The following KATNBL1 variants were observed in gnomAD, a reference collection of about 807,000 sequenced individuals.
The protein encoded by KATNBL1 is katanin regulatory subunit B1 like 1, also known as KATNB1-like protein 1.
KATNBL1 carries 28 observed loss-of-function variants against 44.7 expected under a neutral mutation model. That is an observed-to-expected ratio of 0.63 (90% CI 0.46 to 0.86). KATNBL1 has a LOEUF of 0.86. KATNBL1 is among the 40% of genes least tolerant of loss of function. The pLI is 0.00. For missense variants in KATNBL1, 272 were observed against 350.7 expected (o/e 0.78, Z 1.79); for synonymous variants, 78 against 114.9 (o/e 0.68, Z 2.06).
chr15:34,159,002 T>C (rs557507422), intron 2 of KATNBL1, among the ~76,000 whole-genome samples: 3 of 152,336 alleles, frequency 2.0e-5, no homozygotes, highest in Admixed American at 1.3e-4. Flanking sequence ...GAATTATCAG[T>C]GGTTAGTGTT....
At chr15:34,171,160 G>A (rs916216052) in intron 1 of KATNBL1, among the ~76,000 whole-genome samples, 14 of 152,084 alleles carry the variant, frequency 9.2e-5, no homozygotes, top group Non-Finnish European at 1.6e-4. Flanking sequence ...CCTATAGAAC[G>A]GGAGAAAATT....
intron 1 of KATNBL1, among the ~76,000 whole-genome samples, chr15:34,190,418 C>T (rs1490711405): frequency 2.0e-5 from 3 of 152,174 alleles, no homozygotes; most frequent in Non-Finnish European, 4.4e-5. Context: ...CCAGAATACA[C>T]CTTGGGTCAC....
At chr15:34,191,881 A>C (rs999940330) in intron 1 of KATNBL1, among the ~76,000 whole-genome samples, 1 of 149,674 alleles carries the variant, frequency 6.7e-6, no homozygotes, top group African/African-American at 2.5e-5. Flanking sequence ...TGGGAGGCAG[A>C]GCTTGCAGTG....
chr15:34,193,829 G>C (rs994090733), intron 1 of KATNBL1, among the ~76,000 whole-genome samples: 1 of 111,644 alleles, frequency 9.0e-6, no homozygotes, highest in Non-Finnish European at 1.7e-5. Context: ...TCCAGCGTGG[G>C]TGACAGAGAA....
chr15:34,204,304 A>C (rs1890239766), intron 1 of KATNBL1, among the ~76,000 whole-genome samples: 1 of 152,226 alleles, frequency 6.6e-6, no homozygotes, highest in African/African-American at 2.4e-5. Context: ...CTGTGGGCAC[A>C]GAATGATTCA....
In KATNBL1 at chr15:34,154,169, A is replaced by C. The variant is rs183976707; in HGVS notation, c.158+475T>G. The stretch of plus-strand genomic sequence containing the variant: ...TCTTGAAAAATTATATTGTACCCTC[A>C]AACAAGAGAATGAAAATGAAGACAG... On this transcript the variant is annotated intron_variant, in intron 3 of 9. Transcript: ENST00000256544. Among the ~76,000 whole-genome samples, 49 of 152,314 alleles carry C rather than the reference A, an allele frequency of 3.2e-4. 1 individual carries two copies. Among genetic ancestry groups the C allele is most frequent in the Admixed American group, 2.5e-3 (38 of 15,296 alleles).
intron 1 of KATNBL1, among the ~76,000 whole-genome samples, chr15:34,199,320 C>T (rs1890107400): frequency 6.6e-6 from 1 of 152,046 alleles, no homozygotes; most frequent in Non-Finnish European, 1.5e-5. Flanking sequence ...GCCTCGAGTC[C>T]CAGCTACTCT....
At chr15:34,146,560 C>G in intron 8 of KATNBL1, 1 of 506,350 alleles carries the variant, frequency 2.0e-6, no homozygotes. Context: ...AGAAGAGATA[C>G]AGGAGGTTAG....
intron 1 of KATNBL1, among the ~76,000 whole-genome samples, chr15:34,182,752 C>T (rs554651395): frequency 1.6e-4 from 25 of 152,102 alleles, no homozygotes; most frequent in East Asian, 1.9e-4. Flanking sequence ...AAGCCAGATT[C>T]GAAAGGCTAC....
At chr15:34,166,847 G>C (rs1487331237) in intron 1 of KATNBL1, among the ~76,000 whole-genome samples, 1 of 152,202 alleles carries the variant, frequency 6.6e-6, no homozygotes, top group African/African-American at 2.4e-5. Context: ...ACCTGCAGCT[G>C]AGGGGCCTGT....
chr15:34,188,137 T>TAAAA lies in KATNBL1; in HGVS notation c.-15+21810_-15+21813dup, dbSNP rs1201268078. ...CTGGGTGACAGAGGAAGACGCCATG[T>TAAAA]AAAAAAAAAAAAAAAAAAAAAAAAA... On this transcript the variant is annotated intron_variant, in intron 1 of 9. Transcript: ENST00000256544. Among the ~76,000 whole-genome samples the TAAAA allele has an allele frequency of 1.5e-3, 34 of 22,100 alleles. 1 individual carries two copies. Among genetic ancestry groups the TAAAA allele is most frequent in the Non-Finnish European group, 2.3e-3 (28 of 12,090 alleles). 14.5% of individuals were successfully genotyped at this position (22,100 alleles called of 152,430 possible).
At chr15:34,156,295 G>A (rs566034916) in intron 2 of KATNBL1, among the ~76,000 whole-genome samples, 37 of 152,280 alleles carry the variant, frequency 2.4e-4, no homozygotes, top group South Asian at 6.2e-4. Context: ...CTTGAACTTC[G>A]GGATATAGCA....
chr15:34,204,752 C>A (rs1272707673), intron 1 of KATNBL1, among the ~76,000 whole-genome samples: 1 of 152,104 alleles, frequency 6.6e-6, no homozygotes, highest in Non-Finnish European at 1.5e-5. Context: ...TCCTTATTTT[C>A]TATACCAACT....
chr15:34,182,588 TC>T (rs1889600451), intron 1 of KATNBL1, among the ~76,000 whole-genome samples: 1 of 152,134 alleles, frequency 6.6e-6, no homozygotes. Context: ...GGATATATGT[TC>T]ACCCCACCTG....
In KATNBL1 at chr15:34,142,328, G is replaced by A. The variant is rs1888173876; in HGVS notation, c.*11C>T. 1 of 1,589,846 alleles carries A rather than the reference G, an allele frequency of 6.3e-7. No homozygotes were observed. The highest frequency in any genetic ancestry group is 8.6e-7 in the Non-Finnish European group (1 of 1,169,422). ...TTGAAAAACCAAATGCTCTTTAGTA[G>A]ATGAAATCTCTCAATGTAACTGTAA... On this transcript the variant is annotated 3_prime_UTR_variant, in exon 10 of 10. Coordinates refer to ENST00000256544, the MANE Select transcript of KATNBL1 (RefSeq NM_024713.3).
chr15:34,195,801 C>T (rs1890015541), intron 1 of KATNBL1, among the ~76,000 whole-genome samples: 1 of 151,980 alleles, frequency 6.6e-6, no homozygotes, highest in Admixed American at 6.6e-5. Context: ...ACACTGCATT[C>T]CTCAAAAGCA....
At chr15:34,156,530 A>C (rs1888644174) in intron 2 of KATNBL1, among the ~76,000 whole-genome samples, 1 of 152,202 alleles carries the variant, frequency 6.6e-6, no homozygotes, top group Non-Finnish European at 1.5e-5. Context: ...ATCCCGTCTC[A>C]ATTGCTAAAG....
intron 1 of KATNBL1, among the ~76,000 whole-genome samples, chr15:34,190,136 G>A (rs7173618): frequency 0.2 from 30,686 of 151,972 alleles, 3,820 homozygotes; most frequent in African/African-American, 0.35. Context: ...AGTAGAGACA[G>A]GGTTTCACCA....
At chr15:34,188,137 T>TAAAAACAAAAAA (rs1889769317) in intron 1 of KATNBL1, among the ~76,000 whole-genome samples, 1 of 22,084 alleles carries the variant, frequency 4.5e-5, no homozygotes, top group Non-Finnish European at 8.3e-5. Flanking sequence ...AGACGCCATG[T>TAAAAACAAAAAA]AAAAAAAAAA....
Sources: gnomAD v4.1 joint callset for allele counts (sites outside exome capture counted in the v4.1 genomes callset) on GRCh38, gnomAD v4.1.1 for gene constraint, MANE v1.5 for transcripts, NCBI Gene and HGNC (gene_info 2026-07-23, HGNC 2026-07-21) for gene names.